Variants in PTPRK observed in about 807,000 individuals in gnomAD.
The protein encoded by PTPRK is protein tyrosine phosphatase receptor type K.
In PTPRK, 75 loss-of-function variants were observed where a neutral mutation model predicts 178.0. That is an observed-to-expected ratio of 0.42 (90% CI 0.35 to 0.51). The LOEUF (loss-of-function observed/expected upper bound fraction) is 0.51. Ranked by LOEUF, PTPRK falls within the 20% of genes least tolerant of loss-of-function variation. PTPRK has a pLI of 0.02. For missense variants in PTPRK, 1,441 were observed against 1,797.8 expected, an observed-to-expected ratio of 0.80 and a Z score of 3.59; for synonymous variants, 637 against 620.6, an observed-to-expected ratio of 1.03 and a Z score of -0.39.
At chr6:127,995,344 G>A in intron 18 of PTPRK, 118 bp downstream of exon 18, 2 of 1,547,402 alleles carry the variant, frequency 1.3e-6, no homozygotes, top group Non-Finnish European at 1.8e-6. Context: ...ACAAGGAAAA[G>A]TGTACAGTTT....
intron 1 of PTPRK, among the ~76,000 whole-genome samples, chr6:128,489,058 G>GA (rs1054681519): frequency 2.0e-5 from 3 of 151,860 alleles, no homozygotes; most frequent in East Asian, 1.9e-4. Flanking sequence ...ATGAATAGGA[G>GA]AAAAAAGCAT....
intron 1 of PTPRK, among the ~76,000 whole-genome samples, chr6:128,400,111 T>A (rs1219776208): frequency 2.0e-5 from 3 of 152,056 alleles, no homozygotes; most frequent in African/African-American, 7.2e-5. Flanking sequence ...ACTGGACTGA[T>A]AAATGAGACA....
chr6:128,202,627 C>T (rs1378555521), intron 6 of PTPRK, among the ~76,000 whole-genome samples: 1 of 152,090 alleles, frequency 6.6e-6, no homozygotes, highest in African/African-American at 2.4e-5. Context: ...TGACAGGCTC[C>T]GTCCACCTAA....
rs149543198 is a variant in PTPRK, at chr6:128,150,658, T to C, written c.1162+33774A>G. Among the ~76,000 whole-genome samples the C allele has an allele frequency of 4.1e-3, 625 of 152,214 alleles. 5 individuals carry two copies. Among genetic ancestry groups the C allele is most frequent in the African/African-American group, 0.014 (579 of 41,546 alleles). ...GCCCTGTTATAATATTATATAAACA[T>C]CTGTTTATCCCTTTCCTCCTGGATA... On this transcript the variant is annotated intron_variant, in intron 7 of 29. Transcript: ENST00000368226.
chr6:128,159,349 A>G (rs1036409410), intron 7 of PTPRK, among the ~76,000 whole-genome samples: 2 of 151,836 alleles, frequency 1.3e-5, no homozygotes, highest in African/African-American at 4.8e-5. Flanking sequence ...CCAGACTAGG[A>G]ACTTTCTACA....
At chr6:128,495,469 TC>T (rs1172472416) in intron 1 of PTPRK, among the ~76,000 whole-genome samples, 3 of 151,204 alleles carry the variant, frequency 2.0e-5, no homozygotes, top group Admixed American at 6.6e-5. Flanking sequence ...AAAAAAAAAA[TC>T]CTCCTTAAAT....
At chr6:128,091,959 G>GATTT (rs1285787809) in intron 7 of PTPRK, among the ~76,000 whole-genome samples, 1 of 152,130 alleles carries the variant, frequency 6.6e-6, no homozygotes, top group Admixed American at 6.5e-5. Flanking sequence ...GTGGGCAAAT[G>GATTT]ATTTATTTAT....
At chr6:128,138,591 AC>A (rs1169060305) in intron 7 of PTPRK, among the ~76,000 whole-genome samples, 4 of 152,116 alleles carry the variant, frequency 2.6e-5, no homozygotes, top group Non-Finnish European at 5.9e-5. Flanking sequence ...TTTTTTAAAA[AC>A]AGCTCTGATT....
At chr6:128,518,032 A>G (rs954819690) in intron 1 of PTPRK, among the ~76,000 whole-genome samples, 10 of 152,104 alleles carry the variant, frequency 6.6e-5, no homozygotes, top group African/African-American at 2.2e-4. Context: ...TATGGTAGCC[A>G]GAAAAAAAAG....
At chr6:128,449,520 A>G (rs1847481340) in intron 1 of PTPRK, among the ~76,000 whole-genome samples, 1 of 152,188 alleles carries the variant, frequency 6.6e-6, no homozygotes, top group Non-Finnish European at 1.5e-5. Context: ...GGATAAAAAA[A>G]TGAAGGGGAA....
intron 2 of PTPRK, among the ~76,000 whole-genome samples, chr6:128,363,282 C>T (rs1835022465): frequency 6.6e-6 from 1 of 152,114 alleles, no homozygotes; most frequent in South Asian, 2.1e-4. Flanking sequence ...CAGTCACTGT[C>T]TTTTCTTGCC....
chr6:128,378,856 C>T (rs1321629822), intron 2 of PTPRK, among the ~76,000 whole-genome samples: 1 of 151,884 alleles, frequency 6.6e-6, no homozygotes, highest in East Asian at 1.9e-4. Context: ...GTTTTATCTC[C>T]ACTCCAATAT....
chr6:128,339,645 G>A (rs1040007238), intron 2 of PTPRK, among the ~76,000 whole-genome samples: 2 of 151,982 alleles, frequency 1.3e-5, no homozygotes, highest in African/African-American at 4.8e-5. Context: ...GGTAGCTTTG[G>A]CAAAAATTGC....
intron 1 of PTPRK, among the ~76,000 whole-genome samples, chr6:128,455,086 T>A (rs917890364): frequency 6.6e-6 from 1 of 152,096 alleles, no homozygotes; most frequent in Non-Finnish European, 1.5e-5. Context: ...AGAAGCTTAG[T>A]TTTTCTAGCT....
At chr6:127,992,110 TG>T (rs1473824500) in intron 19 of PTPRK, among the ~76,000 whole-genome samples, 10 of 151,808 alleles carry the variant, frequency 6.6e-5, no homozygotes, top group African/African-American at 2.4e-4. Context: ...TAACTACAGA[TG>T]CTTTTTTTGT....
intron 6 of PTPRK, among the ~76,000 whole-genome samples, chr6:128,194,099 A>ATTC (rs1341234535): frequency 6.9e-6 from 1 of 145,664 alleles, no homozygotes; most frequent in Non-Finnish European, 1.5e-5. Flanking sequence ...TATTATTATT[A>ATTC]TTAGGAAACG....
intron 13 of PTPRK, among the ~76,000 whole-genome samples, chr6:128,061,074 A>G (rs1192212476): frequency 6.6e-6 from 1 of 152,156 alleles, no homozygotes; most frequent in Non-Finnish European, 1.5e-5. Flanking sequence ...GATGTATAAG[A>G]CTATTAAATC....
At chr6:128,112,317 A>C (rs796374889) in intron 7 of PTPRK, among the ~76,000 whole-genome samples, 11 of 152,272 alleles carry the variant, frequency 7.2e-5, no homozygotes, top group African/African-American at 2.6e-4. Flanking sequence ...TAAAAACTGC[A>C]TGCATGGCTA....
intron 1 of PTPRK, among the ~76,000 whole-genome samples, chr6:128,484,333 C>T (rs1042443388): frequency 6.6e-6 from 1 of 152,214 alleles, no homozygotes; most frequent in African/African-American, 2.4e-5. Flanking sequence ...ATGATAAATG[C>T]TTAGCAAGAT....
Sources: allele counts gnomAD v4.1 joint callset (sites outside exome capture counted in the v4.1 genomes callset), GRCh38; gene constraint gnomAD v4.1.1; transcripts MANE v1.5; gene names NCBI Gene and HGNC (gene_info 2026-07-23, HGNC 2026-07-21).